CWC27: variants seen among roughly 807,000 people sequenced by gnomAD.
CWC27 encodes spliceosome-associated protein CWC27 homolog.
In CWC27, 47 loss-of-function variants were observed where a neutral mutation model predicts 63.6. The observed-to-expected ratio is 0.74, with a 90% confidence interval of 0.58 to 0.94. The LOEUF (loss-of-function observed/expected upper bound fraction) is 0.94, where lower values mean the gene tolerates loss of function less well. Ranked by LOEUF, CWC27 falls within the 40% of genes least tolerant of loss-of-function variation. CWC27 has a pLI of 0.00. For synonymous variants in CWC27, 175 were observed against 179.8 expected, an observed-to-expected ratio of 0.97 and a Z score of 0.22; for missense variants, 495 against 554.3, an observed-to-expected ratio of 0.89 and a Z score of 1.07.
chr5:64,820,246 T>C (rs530526851), intron 10 of CWC27, among the ~76,000 whole-genome samples: 1 of 152,314 alleles, frequency 6.6e-6, no homozygotes, highest in East Asian at 1.9e-4. Flanking sequence ...GACATGGAAA[T>C]ATACTATGCC....
At chr5:64,921,502 T>C (rs1353888145) in intron 11 of CWC27, among the ~76,000 whole-genome samples, 1 of 152,174 alleles carries the variant, frequency 6.6e-6, no homozygotes, top group Non-Finnish European at 1.5e-5. Flanking sequence ...CTTTTTTGTC[T>C]TCCATTTGCC....
intron 12 of CWC27, among the ~76,000 whole-genome samples, chr5:64,976,304 C>T (rs374411790): frequency 1.3e-5 from 2 of 152,014 alleles, no homozygotes; most frequent in East Asian, 1.9e-4. Context: ...CTTAAAGTTA[C>T]CAGTATGTAT....
At chr5:64,891,225 A>G (rs990519980) in intron 11 of CWC27, among the ~76,000 whole-genome samples, 1 of 152,210 alleles carries the variant, frequency 6.6e-6, no homozygotes, top group Non-Finnish European at 1.5e-5. Flanking sequence ...TTAGTTAAAA[A>G]AATTAATCAT....
chr5:64,939,299 G>A (rs1203118431), intron 11 of CWC27, among the ~76,000 whole-genome samples: 1 of 151,948 alleles, frequency 6.6e-6, no homozygotes, highest in East Asian at 1.9e-4. Flanking sequence ...TGTCTTGTCG[G>A]CGTCCTTTTT....
chr5:64,909,407 TG>T (rs1747736837), intron 11 of CWC27, among the ~76,000 whole-genome samples: 2 of 152,284 alleles, frequency 1.3e-5, no homozygotes, highest in South Asian at 2.1e-4. Flanking sequence ...CTGACGATTA[TG>T]TGTCTTGGGG....
intron 11 of CWC27, among the ~76,000 whole-genome samples, chr5:64,918,916 C>A (rs1258738388): frequency 6.6e-6 from 1 of 152,118 alleles, no homozygotes; most frequent in Non-Finnish European, 1.5e-5. Context: ...AGCCATTCTT[C>A]CGGAGTTTAT....
chr5:64,861,842 C>T (rs541067577), intron 10 of CWC27, among the ~76,000 whole-genome samples: 1 of 152,274 alleles, frequency 6.6e-6, no homozygotes, highest in East Asian at 1.9e-4. Context: ...GGTTACTAAA[C>T]TATCATTCTC....
intron 10 of CWC27, among the ~76,000 whole-genome samples, chr5:64,866,128 T>C (rs1420989454): frequency 6.6e-6 from 1 of 152,068 alleles, no homozygotes; most frequent in South Asian, 2.1e-4. Flanking sequence ...TTCATATCTA[T>C]AAAGCAGATG....
At chr5:64,992,385 A>T (rs1749551752) in intron 13 of CWC27, among the ~76,000 whole-genome samples, 1 of 152,228 alleles carries the variant, frequency 6.6e-6, no homozygotes, top group African/African-American at 2.4e-5. Flanking sequence ...ACCAGCAGTG[A>T]TTCTAACCCG....
At chr5:64,870,250 T>C (rs1746636632) in intron 10 of CWC27, among the ~76,000 whole-genome samples, 1 of 152,128 alleles carries the variant, frequency 6.6e-6, no homozygotes, top group East Asian at 1.9e-4. Context: ...AGAAACCTTT[T>C]TAAAAGTCTC....
At chr5:64,984,468 A>C (rs921757763) in intron 13 of CWC27, among the ~76,000 whole-genome samples, 2 of 152,218 alleles carry the variant, frequency 1.3e-5, no homozygotes, top group Non-Finnish European at 2.9e-5. Flanking sequence ...GGAGGATAAC[A>C]GGTACAAATG....
Position 64,977,279 on chromosome 5 carries a change from G to C in CWC27, c.1256+41G>C, listed in dbSNP as rs377048269. On this transcript the variant is annotated intron_variant, in intron 13 of 13. Transcript: ENST00000381070. ...TCTGTATATTAACCATGAACAAATA[G>C]TCTCAGAGCAGAGACACTACTGGGG... The C allele has an allele frequency of 6.9e-5, 94 of 1,366,374 alleles. No homozygotes were observed. In the African/African-American group the frequency reaches 1.2e-3, roughly 17 times the overall value. 84.6% of individuals were successfully genotyped at this position (1,366,374 alleles called of 1,614,324 possible). A position where few individuals can be genotyped will look rare whatever the true frequency, so the allele number is the denominator to read the frequency against.
At chr5:64,795,995 A>G (rs972436045) in intron 7 of CWC27, among the ~76,000 whole-genome samples, 6 of 141,478 alleles carry the variant, frequency 4.2e-5, no homozygotes, top group African/African-American at 1.6e-4. Context: ...TTTAAAAAGA[A>G]ATTGTGCGTG....
chr5:64,882,617 G>A (rs1254433441), intron 10 of CWC27, among the ~76,000 whole-genome samples: 5 of 152,036 alleles, frequency 3.3e-5, no homozygotes, highest in Non-Finnish European at 5.9e-5. Flanking sequence ...GTTTTGAGAC[G>A]GAGTCTCGCT....
chr5:64,893,044 GGTATGT>G (rs910184952), intron 11 of CWC27, among the ~76,000 whole-genome samples: 6 of 152,064 alleles, frequency 3.9e-5, no homozygotes. Flanking sequence ...AGAGGTGAAG[GGTATGT>G]GTATGTGTGT....
intron 7 of CWC27, among the ~76,000 whole-genome samples, chr5:64,791,985 G>A (rs2034995): frequency 0.52 from 78,762 of 151,806 alleles, 21,120 homozygotes; most frequent in East Asian, 0.85. Context: ...GACTGGACTG[G>A]TGTGGTAGTC....
chr5:64,804,207 T>C lies in CWC27; in HGVS notation c.781-22T>C, dbSNP rs924661992. ...AAGGGGAAATTGAGCACCTGGCAAA[T>C]ACTCATTTTCCATTTCTACAGGATG... On this transcript the variant is annotated intron_variant, in intron 9 of 13. Coordinates refer to ENST00000381070, the MANE Select transcript of CWC27 (RefSeq NM_005869.4). 3.8e-6 allele frequency: 6 copies of C among 1,572,062 alleles called. No individual in the cohort carries two copies. In the Admixed American group the frequency reaches 5.5e-5, roughly 14 times the overall value.
At chr5:64,873,771 G>T (rs1746731385) in intron 10 of CWC27, among the ~76,000 whole-genome samples, 1 of 151,968 alleles carries the variant, frequency 6.6e-6, no homozygotes, top group African/African-American at 2.4e-5. Flanking sequence ...AATGTCCTGA[G>T]GTGTTTTCTC....
intron 11 of CWC27, among the ~76,000 whole-genome samples, chr5:64,957,250 A>G (rs577952468): frequency 1.9e-4 from 29 of 152,168 alleles, no homozygotes; most frequent in Admixed American, 3.9e-4. Flanking sequence ...CTCCTTTCTC[A>G]TTGGCTTCAT....
Sources: allele counts gnomAD v4.1 joint callset (sites outside exome capture counted in the v4.1 genomes callset), GRCh38; gene constraint gnomAD v4.1.1; transcripts MANE v1.5; gene names NCBI Gene and HGNC (gene_info 2026-07-23, HGNC 2026-07-21).